HIVEP3: variants seen among roughly 807,000 people sequenced by gnomAD.
The protein encoded by HIVEP3 is HIVEP zinc finger 3.
In HIVEP3, 49 loss-of-function variants were observed where a neutral mutation model predicts 152.8. The ratio of observed to expected loss-of-function variants is 0.32; its 90% confidence interval spans 0.26 to 0.41. The LOEUF (loss-of-function observed/expected upper bound fraction) is 0.41, where lower values mean the gene tolerates loss of function less well. Among genes scored for constraint, HIVEP3 ranks in the 10% least tolerant of loss-of-function variants. HIVEP3 has a pLI of 1.00. For synonymous variants in HIVEP3, 1,269 were observed against 1,289.0 expected, an observed-to-expected ratio of 0.98 and a Z score of 0.33; for missense variants, 2,790 against 3,103.3, an observed-to-expected ratio of 0.90 and a Z score of 2.40.
At chr1:41,772,356 G>A (rs1423321097) in intron 1 of HIVEP3, among the ~76,000 whole-genome samples, 1 of 152,162 alleles carries the variant, frequency 6.6e-6, no homozygotes, top group Non-Finnish European at 1.5e-5. Flanking sequence ...CCTCCTTCCT[G>A]GTGCATGACA....
chr1:41,629,421 A>G (rs372991748), intron 2 of HIVEP3, among the ~76,000 whole-genome samples: 11 of 152,354 alleles, frequency 7.2e-5, no homozygotes, highest in African/African-American at 2.6e-4. Flanking sequence ...AAAAATTGGC[A>G]AGTAGGCCTA....
At chr1:41,667,865 AG>A (rs1157978426) in intron 2 of HIVEP3, among the ~76,000 whole-genome samples, 1 of 152,304 alleles carries the variant, frequency 6.6e-6, no homozygotes, top group African/African-American at 2.4e-5. Flanking sequence ...TCAATAAAGA[AG>A]CCCCCCCCAA....
chr1:41,689,602 C>T (rs769624451), intron 2 of HIVEP3, among the ~76,000 whole-genome samples: 4 of 152,158 alleles, frequency 2.6e-5, no homozygotes, highest in Non-Finnish European at 4.4e-5. Context: ...TCCTCCTGTA[C>T]CCTTTGCTTT....
intron 5 of HIVEP3, among the ~76,000 whole-genome samples, chr1:41,573,052 C>G (rs1390581586): frequency 6.6e-6 from 1 of 152,232 alleles, no homozygotes; most frequent in East Asian, 1.9e-4. Flanking sequence ...TTCTTCCTCT[C>G]TCAGCCTCTA....
Position 41,583,266 on chromosome 1 carries a change from G to A in HIVEP3, c.1532C>T (p.Ser511Phe), listed in dbSNP as rs762731438. 1 of 1,613,494 alleles carries A rather than the reference G, an allele frequency of 6.2e-7. No homozygotes were observed. The highest frequency in any genetic ancestry group is 1.1e-5 in the South Asian group (1 of 90,966). Residue 511 changes from serine (S) to phenylalanine (F), a missense_variant, in exon 4 of 9, where the codon TCC becomes TTC. Physicochemically the swap from Ser to Phe is radical, Grantham distance 155. Coordinates refer to ENST00000372583, the MANE Select transcript of HIVEP3 (RefSeq NM_024503.5). This position sits in a 1 kb window ranked among gnomAD's most constrained non-coding sequence, Gnocchi z 6.9. The stretch of plus-strand genomic sequence containing the variant: ...TTCAGGCTTGGTTTTCTCACTGTGG[G>A]ATGACAGGGGCTCCCGGTAGAGGCT... ...KSSLYREPLSSHSEKTKPEQS... is the reference protein window; with the variant it reads ...KSSLYREPLSFHSEKTKPEQS...
chr1:41,973,095 C>T (rs1038619997), intron 1 of HIVEP3, among the ~76,000 whole-genome samples: 2 of 151,864 alleles, frequency 1.3e-5, no homozygotes, highest in Non-Finnish European at 2.9e-5. Context: ...CAAGAAAGCA[C>T]ACAGTGTGGT....
rs796284140 is a variant in HIVEP3, at chr1:41,544,864, C to T, written c.5208-19954G>A. Among the ~76,000 whole-genome samples the T allele has an allele frequency of 2.3e-3, 216 of 95,584 alleles. 1 individual carries two copies. The highest frequency in any genetic ancestry group is 0.017 in the East Asian group (36 of 2,160). 62.7% of individuals were successfully genotyped at this position (95,584 alleles called of 152,430 possible). A position where few individuals can be genotyped will look rare whatever the true frequency, so the allele number is the denominator to read the frequency against. On this transcript the variant is annotated intron_variant, in intron 5 of 8. Transcript: ENST00000372583. ...ACCACTACCACCACCACCACCACCA[C>T]CACCACCACCACTACCACCTCTACC...
At chr1:41,534,955 C>T (rs1007563570) in intron 5 of HIVEP3, among the ~76,000 whole-genome samples, 1 of 152,214 alleles carries the variant, frequency 6.6e-6, no homozygotes, top group African/African-American at 2.4e-5. Flanking sequence ...GGGCAAGTCA[C>T]TTTCTTTCCT....
At chr1:41,627,668 G>A (rs879779593) in intron 3 of HIVEP3, among the ~76,000 whole-genome samples, 1 of 152,254 alleles carries the variant, frequency 6.6e-6, no homozygotes, top group South Asian at 2.1e-4. Context: ...TCAGAGAAGC[G>A]AAAGAGTCAC....
chr1:42,020,573 G>A (rs1251308279), intron 1 of HIVEP3, among the ~76,000 whole-genome samples: 1 of 152,034 alleles, frequency 6.6e-6, no homozygotes, highest in African/African-American at 2.4e-5. Context: ...ACCAGTCATT[G>A]GATAATAAAT....
chr1:41,920,226 C>T (rs1644930044), upstream of HIVEP3, among the ~76,000 whole-genome samples: 1 of 152,190 alleles, frequency 6.6e-6, no homozygotes, highest in Non-Finnish European at 1.5e-5. Context: ...TGGGCCCTGG[C>T]AGCCGGAAAT....
At chr1:41,730,903 GGTGAATTTGTTT>G (rs1646830325) in intron 1 of HIVEP3, among the ~76,000 whole-genome samples, 1 of 152,120 alleles carries the variant, frequency 6.6e-6, no homozygotes, top group Admixed American at 6.5e-5. Flanking sequence ...TCCTGTGGGG[GGTGAATTTGTTT>G]GTGAAGAGGA....
chr1:41,623,429 AG>A (rs1645073313), intron 3 of HIVEP3, among the ~76,000 whole-genome samples: 1 of 152,280 alleles, frequency 6.6e-6, no homozygotes, highest in Admixed American at 6.5e-5. Flanking sequence ...ATAAACAAAC[AG>A]GGCTATGTAA....
chr1:41,848,809 C>G (rs1643514567), intron 1 of HIVEP3: 1 of 152,660 alleles, frequency 6.6e-6, no homozygotes, highest in Non-Finnish European at 1.5e-5. Context: ...ATCCCAGCCC[C>G]ACATCCCAAG....
intron 2 of HIVEP3, among the ~76,000 whole-genome samples, chr1:41,632,411 A>G (rs12742541): frequency 0.013 from 1,943 of 152,326 alleles, 19 homozygotes; most frequent in Non-Finnish European, 0.018. Flanking sequence ...GAGAGAAAAA[A>G]GAAAGAGGAT....
At chr1:41,886,441 G>A (rs994544976) in intron 1 of HIVEP3, among the ~76,000 whole-genome samples, 13 of 151,998 alleles carry the variant, frequency 8.6e-5, no homozygotes, top group African/African-American at 2.2e-4. Context: ...GTCCGGGTGC[G>A]GTGGCTCACA....
intron 1 of HIVEP3, among the ~76,000 whole-genome samples, chr1:41,970,708 A>C (rs1174277561): frequency 2.6e-5 from 4 of 152,248 alleles, no homozygotes; most frequent in African/African-American, 4.8e-5. Flanking sequence ...AATAAAATTA[A>C]ATGGAAGATG....
chr1:41,526,757 A>C (rs1166395559), intron 5 of HIVEP3, among the ~76,000 whole-genome samples: 2 of 84,020 alleles, frequency 2.4e-5, no homozygotes, highest in Non-Finnish European at 2.4e-5. Flanking sequence ...TCACATCCCC[A>C]CACTCACCCT....
At chr1:41,898,372 A>G (rs557341867) in intron 1 of HIVEP3, among the ~76,000 whole-genome samples, 1 of 152,310 alleles carries the variant, frequency 6.6e-6, no homozygotes, top group East Asian at 1.9e-4. Context: ...CCAGTCTCAG[A>G]AGAACTGCTG....
Sources: allele counts gnomAD v4.1 joint callset (sites outside exome capture counted in the v4.1 genomes callset), GRCh38; gene constraint gnomAD v4.1.1; non-coding constraint Gnocchi (gnomAD v3.1); transcripts MANE v1.5; gene names NCBI Gene and HGNC (gene_info 2026-07-23, HGNC 2026-07-21).